SUMF1: variants seen among roughly 807,000 people sequenced by gnomAD.
The protein encoded by SUMF1 is sulfatase modifying factor 1.
SUMF1 carries 48 observed loss-of-function variants against 47.6 expected under a neutral mutation model. That is an observed-to-expected ratio of 1.01 (90% CI 0.80 to 1.28). The LOEUF is 1.28. SUMF1 is among the 50% of genes most tolerant of loss of function. The pLI, the probability that SUMF1 is intolerant of heterozygous loss-of-function variation, is 0.00. For synonymous variants in SUMF1, 230 were observed against 192.1 expected (o/e 1.20, Z -1.63); for missense variants, 571 against 485.4 (o/e 1.18, Z -1.66).
At chr3:4,318,732 A>G (rs1325259738) in intron 8 of SUMF1, among the ~76,000 whole-genome samples, 1 of 152,134 alleles carries the variant, frequency 6.6e-6, no homozygotes, top group East Asian at 1.9e-4. Flanking sequence ...ATATGGCAAA[A>G]CCCTGTCCAT....
At chr3:4,067,772 G>A (rs1023990056) in intron 9 of SUMF1, among the ~76,000 whole-genome samples, 2 of 152,278 alleles carry the variant, frequency 1.3e-5, no homozygotes, top group African/African-American at 2.4e-5. Flanking sequence ...CTACTCAAGA[G>A]AGTGGGGAGT....
At chr3:4,245,041 C>T (rs185034363) in intron 8 of SUMF1, among the ~76,000 whole-genome samples, 73 of 152,078 alleles carry the variant, frequency 4.8e-4, no homozygotes, top group African/African-American at 1.7e-3. Flanking sequence ...GCTACTGAAG[C>T]TTGTGTATGC....
chr3:4,303,600 G>T lies in SUMF1; in HGVS notation c.1014+72730C>A, dbSNP rs1698044211. 4 of 1,375,368 alleles carry T rather than the reference G, an allele frequency of 2.9e-6. No homozygotes were observed. In the South Asian group the frequency reaches 6.9e-5, roughly 24 times the overall value. The allele number at this position is 1,375,368 out of a possible 1,614,324, so 85.2% of individuals were successfully genotyped here. On this transcript the variant is annotated intron_variant and NMD_transcript_variant, in intron 8 of 12. Transcript: ENST00000448413. ...CGTGGTCTCCTCAAGCCGCCTCGCTGGGACGGCCTCCCAGTCGCGACCTTT... is the reference window on the plus strand; with the variant it reads ...CGTGGTCTCCTCAAGCCGCCTCGCTTGGACGGCCTCCCAGTCGCGACCTTT...
chr3:4,194,094 C>T (rs1695379219), intron 8 of SUMF1, among the ~76,000 whole-genome samples: 1 of 152,094 alleles, frequency 6.6e-6, no homozygotes, highest in South Asian at 2.1e-4. Context: ...TCAAAATATT[C>T]TATACCTGTG....
At chr3:4,300,446 CAA>C (rs1279582567) in intron 8 of SUMF1, among the ~76,000 whole-genome samples, 1 of 152,150 alleles carries the variant, frequency 6.6e-6, no homozygotes, top group African/African-American at 2.4e-5. Context: ...GATGTGTACT[CAA>C]AAAAGTTTTT....
chr3:4,209,167 T>C (rs1046865792), intron 8 of SUMF1, among the ~76,000 whole-genome samples: 10 of 152,224 alleles, frequency 6.6e-5, no homozygotes, highest in African/African-American at 9.6e-5. Flanking sequence ...TAAAATTTTA[T>C]TGGGTACCTA....
intron 7 of SUMF1, among the ~76,000 whole-genome samples, chr3:4,378,569 C>T (rs1390479638): frequency 6.6e-6 from 1 of 152,128 alleles, no homozygotes; most frequent in African/African-American, 2.4e-5. Flanking sequence ...TGAAAAGCTA[C>T]GTGTCAAAAT....
intron 7 of SUMF1, among the ~76,000 whole-genome samples, chr3:4,410,616 T>A (rs576936862): frequency 6.6e-6 from 1 of 152,338 alleles, no homozygotes; most frequent in Admixed American, 6.5e-5. Context: ...TTTCTAAAGT[T>A]ATAGGCAGAT....
At chr3:4,244,548 GA>G (rs1444977496) in intron 8 of SUMF1, among the ~76,000 whole-genome samples, 2 of 152,148 alleles carry the variant, frequency 1.3e-5, no homozygotes, top group African/African-American at 4.8e-5. Context: ...ATTCTGGGTT[GA>G]AAATTCTTTT....
At chr3:4,058,177 G>GA (rs1695221576) in intron 9 of SUMF1, among the ~76,000 whole-genome samples, 1 of 152,094 alleles carries the variant, frequency 6.6e-6, no homozygotes, top group Admixed American at 6.6e-5. Context: ...AGCAAATCAA[G>GA]ATTTGAATCC....
chr3:4,177,152 T>C (rs1234954228), intron 8 of SUMF1, among the ~76,000 whole-genome samples: 1 of 152,102 alleles, frequency 6.6e-6, no homozygotes, highest in African/African-American at 2.4e-5. Context: ...TTAACAAGGA[T>C]ACCCAGGACC....
Position 4,467,155 on chromosome 3 carries a change from C to T in SUMF1, c.91G>A (p.Ala31Thr), listed in dbSNP as rs1403166890. The T allele has an allele frequency of 1.3e-6, 2 of 1,595,588 alleles. No individual in the cohort carries two copies. Among genetic ancestry groups the T allele is most frequent in the South Asian group, 1.1e-5 (1 of 88,524 alleles). The part of the protein sequence containing the change: ...LLLLLSLLCG[A>T]AGSQEAGTGA... ...GTCCCGGCCTCCTGGCTCCCTGCCG[C>T]TCCACACAGCAGCGAGAGCAGCAGC... Residue 31 changes from alanine (A) to threonine (T), a missense_variant, in exon 1 of 9, where the codon GCG becomes ACG. Coordinates refer to ENST00000272902, the MANE Select transcript of SUMF1 (RefSeq NM_182760.4).
At chr3:4,395,998 A>C (rs1029528944) in intron 7 of SUMF1, among the ~76,000 whole-genome samples, 4 of 152,250 alleles carry the variant, frequency 2.6e-5, no homozygotes, top group Admixed American at 2.0e-4. Flanking sequence ...TGGCAGACAT[A>C]TAATTGACCA....
intron 8 of SUMF1, chr3:4,303,850 T>C (rs1429928308): frequency 7.5e-7 from 1 of 1,324,532 alleles, no homozygotes; most frequent in East Asian, 5.1e-5. Context: ...ACCTCCCTGG[T>C]CTCAGGTGTC....
chr3:4,085,033 T>C (rs781501351), intron 8 of SUMF1, among the ~76,000 whole-genome samples: 9 of 152,236 alleles, frequency 5.9e-5, no homozygotes, highest in East Asian at 3.9e-4. Context: ...ATCTACTCTA[T>C]GCATATTAAA....
At chr3:4,332,197 C>G (rs1699064886) in intron 8 of SUMF1, among the ~76,000 whole-genome samples, 1 of 152,164 alleles carries the variant, frequency 6.6e-6, no homozygotes, top group African/African-American at 2.4e-5. Flanking sequence ...CACGTATAAA[C>G]ACACAGACCC....
chr3:4,126,420 A>G (rs568082011), intron 8 of SUMF1, among the ~76,000 whole-genome samples: 4 of 152,196 alleles, frequency 2.6e-5, no homozygotes, highest in Non-Finnish European at 5.9e-5. Context: ...TCTAAACACA[A>G]CTATACATAG....
At chr3:4,273,592 A>G (rs1475132712) in intron 8 of SUMF1, among the ~76,000 whole-genome samples, 1 of 151,800 alleles carries the variant, frequency 6.6e-6, no homozygotes, top group Non-Finnish European at 1.5e-5. Flanking sequence ...TGATGGCACC[A>G]CTCTGTGAAT....
chr3:4,062,064 C>T (rs1226464882), intron 9 of SUMF1, among the ~76,000 whole-genome samples: 12 of 152,030 alleles, frequency 7.9e-5, no homozygotes, highest in Non-Finnish European at 1.6e-4. Context: ...TCAGCCTGAA[C>T]AGCACCCCCT....
Sources: allele counts gnomAD v4.1 joint callset (sites outside exome capture counted in the v4.1 genomes callset), GRCh38; gene constraint gnomAD v4.1.1; transcripts MANE v1.5; gene names NCBI Gene and HGNC (gene_info 2026-07-23, HGNC 2026-07-21).